The following GPC6 variants were observed in gnomAD, a reference collection of about 807,000 sequenced individuals.
The protein encoded by GPC6 is glypican-6.
Under a neutral mutation model 55.2 loss-of-function variants are expected in GPC6, and 14 were observed. That is an observed-to-expected ratio of 0.25 (90% confidence interval 0.17 to 0.40). The LOEUF is 0.40. Ranked by LOEUF, GPC6 falls within the 10% of genes least tolerant of loss-of-function variation. The pLI is 1.00. For missense variants in GPC6, 641 were observed against 708.5 expected, an observed-to-expected ratio of 0.90 and a Z score of 1.08; for synonymous variants, 278 against 259.6, an observed-to-expected ratio of 1.07 and a Z score of -0.68.
intron 2 of GPC6, among the ~76,000 whole-genome samples, chr13:93,663,274 A>G (rs565340384): frequency 2.6e-5 from 4 of 152,282 alleles, no homozygotes; most frequent in Middle Eastern, 6.8e-3. Context: ...ACCTTATCAT[A>G]TAATTGTTTT....
At chr13:94,243,737 T>G (rs1891122312) in intron 4 of GPC6, among the ~76,000 whole-genome samples, 1 of 152,162 alleles carries the variant, frequency 6.6e-6, no homozygotes, top group African/African-American at 2.4e-5. Flanking sequence ...TCATTGCTTT[T>G]TATGTCTACC....
At chr13:94,342,510 G>C (rs1878093339) in intron 6 of GPC6, among the ~76,000 whole-genome samples, 3 of 152,166 alleles carry the variant, frequency 2.0e-5, no homozygotes, top group Admixed American at 1.3e-4. Context: ...AGAGAGCAGT[G>C]CACAGATCCT....
intron 2 of GPC6, among the ~76,000 whole-genome samples, chr13:93,713,870 A>C (rs1229734752): frequency 1.3e-5 from 2 of 151,504 alleles, no homozygotes; most frequent in African/African-American, 2.4e-5. Context: ...AGCATTAAAA[A>C]GGCAGGATCT....
At chr13:94,117,876 G>A (rs997020791) in intron 4 of GPC6, among the ~76,000 whole-genome samples, 3 of 151,976 alleles carry the variant, frequency 2.0e-5, no homozygotes, top group Non-Finnish European at 4.4e-5. Context: ...GAGGTTATTG[G>A]CATATGAGTA....
At chr13:94,145,243 A>G (rs78861456) in intron 4 of GPC6, among the ~76,000 whole-genome samples, 13,309 of 152,122 alleles carry the variant, frequency 0.087, 1,053 homozygotes, top group East Asian at 0.21. Context: ...AACATTCTAT[A>G]TAAAGCACCT....
intron 2 of GPC6, among the ~76,000 whole-genome samples, chr13:93,785,309 G>T (rs564927539): frequency 7.9e-5 from 12 of 152,276 alleles, no homozygotes; most frequent in South Asian, 4.1e-4. Context: ...AGGTAGAAAA[G>T]AAGAGTATAG....
chr13:93,661,593 C>T (rs895579474), intron 2 of GPC6, among the ~76,000 whole-genome samples: 1 of 152,066 alleles, frequency 6.6e-6, no homozygotes, highest in Non-Finnish European at 1.5e-5. Flanking sequence ...GAAGCAAGAC[C>T]TTGGTATTGC....
intron 4 of GPC6, among the ~76,000 whole-genome samples, chr13:94,083,910 G>T (rs953062051): frequency 1.3e-5 from 2 of 152,146 alleles, no homozygotes; most frequent in Non-Finnish European, 2.9e-5. Context: ...ACAGAGCACA[G>T]GGCTATATAA....
chr13:93,738,554 G>C (rs953689483), intron 2 of GPC6, among the ~76,000 whole-genome samples: 1 of 152,092 alleles, frequency 6.6e-6, no homozygotes, highest in Non-Finnish European at 1.5e-5. Context: ...GAGCCAAAGA[G>C]ATTGTCAGCA....
chr13:93,685,089 C>G (rs1260799830), intron 2 of GPC6, among the ~76,000 whole-genome samples: 7 of 152,152 alleles, frequency 4.6e-5, no homozygotes, highest in African/African-American at 1.4e-4. Flanking sequence ...TCACTACCAC[C>G]CATTTCCAAG....
chr13:93,593,008 A>C (rs12583630), intron 2 of GPC6, among the ~76,000 whole-genome samples: 16,962 of 152,132 alleles, frequency 0.11, 2,093 homozygotes, highest in African/African-American at 0.3. Flanking sequence ...TTTTAAAAGA[A>C]GTGGATAACA....
chr13:94,210,881 T>C (rs1890054904), intron 4 of GPC6, among the ~76,000 whole-genome samples: 1 of 152,232 alleles, frequency 6.6e-6, no homozygotes, highest in Non-Finnish European at 1.5e-5. Flanking sequence ...GTTTTACAGC[T>C]TAATACTGTT....
intron 4 of GPC6, among the ~76,000 whole-genome samples, chr13:94,279,945 G>C (rs546117231): frequency 7.9e-5 from 12 of 152,322 alleles, no homozygotes; most frequent in South Asian, 4.1e-4. Context: ...GAGTTCTGTA[G>C]ATGTCTATTA....
intron 3 of GPC6, among the ~76,000 whole-genome samples, chr13:93,895,205 T>C (rs1347607946): frequency 1.0e-5 from 1 of 99,900 alleles, no homozygotes; most frequent in East Asian, 2.8e-4. Flanking sequence ...CATATATATG[T>C]GTGTGTGTGT....
chr13:93,774,660 A>G (rs1406639366), intron 2 of GPC6, among the ~76,000 whole-genome samples: 5 of 152,198 alleles, frequency 3.3e-5, no homozygotes, highest in Non-Finnish European at 7.3e-5. Context: ...ACACAAAGGC[A>G]TATGTGTCAT....
At chr13:93,467,418 C>T (rs921771782) in intron 1 of GPC6, among the ~76,000 whole-genome samples, 3 of 152,088 alleles carry the variant, frequency 2.0e-5, no homozygotes, top group Non-Finnish European at 2.9e-5. Context: ...TAATTTAGTA[C>T]ATATGGACTC....
chr13:93,486,728 C>T (rs746569601), intron 1 of GPC6, among the ~76,000 whole-genome samples: 4 of 151,986 alleles, frequency 2.6e-5, no homozygotes, highest in Admixed American at 1.3e-4. Flanking sequence ...AGGTGGATCA[C>T]GAGGTCAGGA....
chr13:93,369,214 ATATT>A (rs1265222345), intron 1 of GPC6, among the ~76,000 whole-genome samples: 2 of 152,100 alleles, frequency 1.3e-5, no homozygotes, highest in Admixed American at 6.6e-5. Flanking sequence ...AATGGTCTAT[ATATT>A]AATATATTGA....
intron 3 of GPC6, among the ~76,000 whole-genome samples, chr13:93,856,519 T>A (rs1888615863): frequency 6.6e-6 from 1 of 151,572 alleles, no homozygotes; most frequent in Non-Finnish European, 1.5e-5. Flanking sequence ...GAGCTGTGTG[T>A]AGCAAAAATA....
Sources: allele counts gnomAD v4.1 joint callset (sites outside exome capture counted in the v4.1 genomes callset), GRCh38; gene constraint gnomAD v4.1.1; transcripts MANE v1.5; gene names NCBI Gene and HGNC (gene_info 2026-07-23, HGNC 2026-07-21).